Variants in SESN3 observed in about 807,000 individuals in gnomAD.
The protein encoded by SESN3 is sestrin 3.
A neutral mutation model predicts 55.3 loss-of-function variants in SESN3; 21 were observed. That is an observed-to-expected ratio of 0.38 (90% CI 0.27 to 0.55). The LOEUF is 0.55. Ranked by LOEUF, SESN3 falls within the 20% of genes least tolerant of loss-of-function variation. The probability of loss-of-function intolerance (pLI) is 0.76; values close to 1 mark genes in which losing one functional copy is unlikely to be tolerated. For synonymous variants in SESN3, 181 were observed against 203.1 expected (o/e 0.89, Z 0.93); for missense variants, 408 against 604.3 (o/e 0.68, Z 3.41).
intron 1 of SESN3, among the ~76,000 whole-genome samples, chr11:95,212,444 CATT>C (rs1860674229): frequency 6.6e-6 from 1 of 151,932 alleles, no homozygotes; most frequent in Non-Finnish European, 1.5e-5. Flanking sequence ...TCTAAAATTA[CATT>C]ATATTATAAA....
chr11:95,169,270 T>C lies in SESN3; in HGVS notation c.*3985A>G, dbSNP rs1859806121. On this transcript the variant is annotated 3_prime_UTR_variant, in exon 10 of 10. Transcript: ENST00000536441. The stretch of plus-strand genomic sequence containing the variant: ...TTGATTCTCAGTCTCCAGAGGGATA[T>C]AATAGGGAAACACAGTTTACGTTGA... 6.6e-6 allele frequency: 1 copy of C among 152,194 alleles called. No homozygotes were observed. Among genetic ancestry groups the C allele is most frequent in the Admixed American group, 6.5e-5 (1 of 15,274 alleles). 9.4% of individuals were successfully genotyped at this position (152,194 alleles called of 1,614,324 possible). A position where few individuals can be genotyped will look rare whatever the true frequency, so the allele number is the denominator to read the frequency against.
At chr11:95,228,041 T>C (rs1860980183) in intron 1 of SESN3, among the ~76,000 whole-genome samples, 2 of 152,236 alleles carry the variant, frequency 1.3e-5, no homozygotes, top group African/African-American at 4.8e-5. Context: ...CCATTCTTTT[T>C]ACTGTCCTAA....
At position 95,166,364 on chromosome 11, in the gene SESN3, T is replaced by C. The variant is rs994578338; in HGVS notation, c.*6891A>G. ...AATAAAAAGTACCAAGAAACGCAAA[T>C]GATAATTCTGTATTAATACTGATGA... On this transcript the variant is annotated 3_prime_UTR_variant, in exon 10 of 10. Transcript: ENST00000536441. 6.6e-6 allele frequency: 1 copy of C among 151,454 alleles called. No individual in the cohort carries two copies. Among genetic ancestry groups the C allele is most frequent in the African/African-American group, 2.4e-5 (1 of 41,158 alleles). 9.4% of individuals were successfully genotyped at this position (151,454 alleles called of 1,614,324 possible).
chr11:95,191,454 G>C lies in SESN3; in HGVS notation c.292C>G (p.Arg98Gly). 6.2e-7 allele frequency: 1 copy of C among 1,612,946 alleles called. No homozygotes were observed. The highest frequency in any genetic ancestry group is 8.5e-7 in the Non-Finnish European group (1 of 1,179,208). Residue 98 changes from arginine to glycine, a missense_variant, in exon 3 of 10, where the codon CGC becomes GGC. Transcript: ENST00000536441. ...SFLRSQFYML[R>G]MDGPLPLPYR... ...GGTAGAGGAAGGGGACCATCCATGCGCAACATGTAAAACTGGCTCCGCAAG... is the reference window on the plus strand; with the variant it reads ...GGTAGAGGAAGGGGACCATCCATGCCCAACATGTAAAACTGGCTCCGCAAG...
At chr11:95,177,001 A>G (rs1301906139) in intron 8 of SESN3, among the ~76,000 whole-genome samples, 2 of 152,170 alleles carry the variant, frequency 1.3e-5, no homozygotes, top group African/African-American at 2.4e-5. Flanking sequence ...TTAACCGATT[A>G]AATTCTAATT....
rs529573736 is a variant in SESN3 at position 95,209,018 on chromosome 11, T to C, written c.79-15496A>G. 2.6e-4 allele frequency among the ~76,000 whole-genome samples: 40 copies of C among 151,578 alleles called. 2 individuals are homozygous for C. Among genetic ancestry groups the C allele is most frequent in the African/African-American group, 8.9e-4 (37 of 41,352 alleles). ...TCAGGACACAGGCATGGGCAAAGAC[T>C]TCATGACTAAAACACCAAAAGCAAT... On this transcript the variant is annotated intron_variant, in intron 1 of 9. Coordinates refer to ENST00000536441, the MANE Select transcript of SESN3 (RefSeq NM_144665.4).
rs1204002686 is a variant in SESN3 at position 95,231,198 on chromosome 11, A to C, written c.-338T>G. 5.1e-5 allele frequency: 17 copies of C among 335,184 alleles called. No individual in the cohort carries two copies. The Admixed American group carries it at 6.7e-4, about 13-fold the overall frequency. 20.8% of individuals were successfully genotyped at this position (335,184 alleles called of 1,614,324 possible). A position where few individuals can be genotyped will look rare whatever the true frequency, so the allele number is the denominator to read the frequency against. On this transcript the variant is annotated 5_prime_UTR_variant, in exon 1 of 10. Coordinates refer to ENST00000536441, the MANE Select transcript of SESN3 (RefSeq NM_144665.4). Reference sequence around the variant, plus strand: ...GCCACCACCGCCGCCGCAGCGCCTCAGTGCGGCCCCGCCTCCGCCGCCCCA... The same window carrying C: ...GCCACCACCGCCGCCGCAGCGCCTCCGTGCGGCCCCGCCTCCGCCGCCCCA...
intron 1 of SESN3, among the ~76,000 whole-genome samples, chr11:95,223,234 C>T (rs1226544758): frequency 6.6e-6 from 1 of 151,776 alleles, no homozygotes; most frequent in Non-Finnish European, 1.5e-5. Context: ...TTTAGGAACT[C>T]CCACATTCAA....
intron 1 of SESN3, among the ~76,000 whole-genome samples, chr11:95,195,899 G>A (rs1860351963): frequency 6.6e-6 from 1 of 152,150 alleles, no homozygotes; most frequent in Non-Finnish European, 1.5e-5. Flanking sequence ...GTAAAAAGCA[G>A]CATTCAAAAA....
At position 95,173,201 on chromosome 11, in the gene SESN3, T is replaced by G; in HGVS notation, c.*54A>C. 1.9e-6 allele frequency: 2 copies of G among 1,043,978 alleles called. No homozygotes were observed. Among genetic ancestry groups the G allele is most frequent in the Non-Finnish European group, 2.9e-6 (2 of 686,396 alleles). The allele number at this position is 1,043,978 out of a possible 1,614,324, so 64.7% of individuals were successfully genotyped here. A position where few individuals can be genotyped will look rare whatever the true frequency, so the allele number is the denominator to read the frequency against. The stretch of plus-strand genomic sequence containing the variant: ...GCTATATCACAAATAGCTTCAATGT[T>G]TATCTTATGTGAAAGGTCTTTACAC... On this transcript the variant is annotated 3_prime_UTR_variant, in exon 10 of 10. Coordinates refer to ENST00000536441, the MANE Select transcript of SESN3 (RefSeq NM_144665.4).
At position 95,220,782 on chromosome 11, in the gene SESN3, C is replaced by G. The variant is rs534074480; in HGVS notation, c.78+10001G>C. Among the ~76,000 whole-genome samples the G allele has an allele frequency of 3.3e-5, 5 of 152,248 alleles. No individual in the cohort carries two copies. In the East Asian group the frequency reaches 9.6e-4, roughly 29 times the overall value. Reference sequence around the variant, plus strand: ...AATGAGCCAGGCTTTGGAGTTCAACCTGGTTGCAAATCCTAAGTCTGTCAC... The same window carrying G: ...AATGAGCCAGGCTTTGGAGTTCAACGTGGTTGCAAATCCTAAGTCTGTCAC... On this transcript the variant is annotated intron_variant, in intron 1 of 9. Transcript: ENST00000536441.
chr11:95,194,784 C>T (rs933505392), intron 1 of SESN3, among the ~76,000 whole-genome samples: 3 of 151,956 alleles, frequency 2.0e-5, no homozygotes, highest in African/African-American at 7.3e-5. Flanking sequence ...TAACAGGTTT[C>T]TTCCTTTTGC....
chr11:95,189,628 T>A, intron 4 of SESN3, 151 bp downstream of exon 4: 1 of 522,366 alleles, frequency 1.9e-6, no homozygotes, highest in African/African-American at 2.0e-5. Context: ...AGGAGAAGTA[T>A]TCATTTGTGC....
chr11:95,207,308 C>T (rs1194490305), intron 1 of SESN3, among the ~76,000 whole-genome samples: 2 of 151,446 alleles, frequency 1.3e-5, no homozygotes, highest in African/African-American at 2.4e-5. Flanking sequence ...TAGATATAGA[C>T]ACCCAAAGAG....
At chr11:95,225,877 T>C (rs1860938583) in intron 1 of SESN3, among the ~76,000 whole-genome samples, 2 of 152,192 alleles carry the variant, frequency 1.3e-5, no homozygotes, top group African/African-American at 2.4e-5. Context: ...CCTTAACTCT[T>C]AGTCTTTTCA....
intron 1 of SESN3, among the ~76,000 whole-genome samples, chr11:95,195,127 T>G (rs1860337378): frequency 6.6e-6 from 1 of 151,920 alleles, no homozygotes; most frequent in Non-Finnish European, 1.5e-5. Context: ...TTAGAGAACA[T>G]GTAGGGGGAG....
intron 1 of SESN3, among the ~76,000 whole-genome samples, chr11:95,210,913 T>C (rs759689676): frequency 9.2e-5 from 14 of 152,124 alleles, no homozygotes; most frequent in Non-Finnish European, 1.5e-4. Flanking sequence ...CTTCTTTATA[T>C]CAAAGGTTTG....
chr11:95,181,343 A>T (rs1401536600), intron 6 of SESN3, among the ~76,000 whole-genome samples: 1 of 152,230 alleles, frequency 6.6e-6, no homozygotes, highest in Non-Finnish European at 1.5e-5. Flanking sequence ...GTCAATTAAC[A>T]CCTGTTTCCT....
intron 2 of SESN3, 60 bp downstream of exon 2, chr11:95,193,397 T>C (rs1565467416): frequency 2.0e-6 from 2 of 994,238 alleles, no homozygotes; most frequent in Admixed American, 2.0e-5. Flanking sequence ...GAGATATTCT[T>C]TGATACAGTT....
Sources: allele counts gnomAD v4.1 joint callset (sites outside exome capture counted in the v4.1 genomes callset), GRCh38; gene constraint gnomAD v4.1.1; transcripts MANE v1.5; gene names NCBI Gene and HGNC (gene_info 2026-07-23, HGNC 2026-07-21).